Variants in RRP1 observed in about 807,000 individuals in gnomAD.
RRP1 encodes the protein ribosomal RNA processing 1.
RRP1 carries 37 observed loss-of-function variants against 54.6 expected under a neutral mutation model. The observed-to-expected ratio is 0.68, with a 90% confidence interval of 0.52 to 0.89. The LOEUF (loss-of-function observed/expected upper bound fraction) is 0.89, where lower values mean the gene tolerates loss of function less well. RRP1 is among the 40% of genes least tolerant of loss of function. The pLI is 0.00. For synonymous variants in RRP1, 262 were observed against 244.3 expected (o/e 1.07, Z -0.67); for missense variants, 639 against 612.5 (o/e 1.04, Z -0.46).
At chr21:43,795,779 T>G (rs1027708625) in intron 5 of RRP1, among the ~76,000 whole-genome samples, 2 of 152,206 alleles carry the variant, frequency 1.3e-5, no homozygotes, top group African/African-American at 2.4e-5. Flanking sequence ...CTCAAACTCT[T>G]GGGCTCAAAC....
At chr21:43,795,060 T>C in intron 4 of RRP1, 129 bp from the exon 5 acceptor site, 1 of 844,282 alleles carries the variant, frequency 1.2e-6, no homozygotes, top group Admixed American at 1.9e-5. Flanking sequence ...GGGCCGGCTG[T>C]GTGCTGGGGC....
rs1457313099 is a variant in RRP1, at chr21:43,804,983, A to G, written c.*1209A>G. 1 of 152,422 alleles carries G rather than the reference A, an allele frequency of 6.6e-6. No homozygotes were observed. Among genetic ancestry groups the G allele is most frequent in the African/African-American group, 2.4e-5 (1 of 41,444 alleles). 9.4% of individuals were successfully genotyped at this position (152,422 alleles called of 1,614,324 possible). On this transcript the variant is annotated 3_prime_UTR_variant, in exon 13 of 13. Transcript: ENST00000497547. This position sits in a 1 kb window ranked among gnomAD's most constrained non-coding sequence, Gnocchi z 4.3. ...AGGGTTCTTTCCCCAAAGGAACTTA[A>G]AAAGACAAGCGTGGCCAGGCACAGT...
chr21:43,793,434 G>T, intron 4 of RRP1, 30 bp downstream of exon 4: 1 of 1,596,270 alleles, frequency 6.3e-7, no homozygotes, highest in South Asian at 1.1e-5. Flanking sequence ...GCCGGCGGGC[G>T]GGGGCAGCGC....
rs754586364 is a variant in RRP1 at position 43,802,453 on chromosome 21, G to A, written c.1123+66G>A. 1.9e-5 allele frequency: 25 copies of A among 1,296,692 alleles called. No individual in the cohort carries two copies. The African/African-American group carries it at 2.9e-4, about 15-fold the overall frequency. 80.3% of individuals were successfully genotyped at this position (1,296,692 alleles called of 1,614,324 possible). A position where few individuals can be genotyped will look rare whatever the true frequency, so the allele number is the denominator to read the frequency against. On this transcript the variant is annotated intron_variant, in intron 12 of 12. Coordinates refer to ENST00000497547, the MANE Select transcript of RRP1 (RefSeq NM_003683.6). Reference sequence around the variant, plus strand: ...CACCTGCTTGCTTCTCCCCTGGATGGGGGTCACCTGCAGTGTCTCCCCCTG... The same window carrying A: ...CACCTGCTTGCTTCTCCCCTGGATGAGGGTCACCTGCAGTGTCTCCCCCTG...
At chr21:43,799,389 G>A (rs1370463286) in intron 8 of RRP1, among the ~76,000 whole-genome samples, 181 bp from the exon 9 acceptor site, 2 of 151,782 alleles carry the variant, frequency 1.3e-5, no homozygotes, top group Admixed American at 1.3e-4. Flanking sequence ...CTTGAGCTGT[G>A]GGCTTTCCCG....
rs758348627 is a variant in RRP1, at chr21:43,789,621, G to C, written c.-9G>C. On this transcript the variant is annotated 5_prime_UTR_variant, in exon 1 of 13. Coordinates refer to ENST00000497547, the MANE Select transcript of RRP1 (RefSeq NM_003683.6). ...GACTCCGGGACAGGGGGTCTCGGCC[G>C]TCGGCGTCATGGTTTCGCGCGTGCA... 1.3e-6 allele frequency: 2 copies of C among 1,586,568 alleles called. No homozygotes were observed. Among genetic ancestry groups the C allele is most frequent in the South Asian group, 2.3e-5 (2 of 87,564 alleles).
rs547625267 is a variant in RRP1 at position 43,798,516 on chromosome 21, C to T, written c.811+416C>T. On this transcript the variant is annotated intron_variant, in intron 8 of 12. Coordinates refer to ENST00000497547, the MANE Select transcript of RRP1 (RefSeq NM_003683.6). ...CTCCCCATAGCGTCACTCTGTGGCA[C>T]GGGATGTGAATCACTTGCTCCTCGT... 1.2e-4 allele frequency among the ~76,000 whole-genome samples: 18 copies of T among 152,274 alleles called. 1 individual carries two copies. The highest frequency in any genetic ancestry group is 3.8e-4 in the African/African-American group (16 of 41,564).
In RRP1 at chr21:43,798,014, A is replaced by T. The variant is rs750177255; in HGVS notation, c.725A>T (p.Glu242Val). Residue 242 changes from glutamate to valine, a missense_variant, in exon 8 of 13, where the codon GAG becomes GTG. Physicochemically the swap from Glu to Val is moderately radical, Grantham distance 121. Transcript: ENST00000497547. The part of the protein sequence containing the change: ...LLNELDTQDE[E>V]VASDSDESSE... ...AATGAACTGGACACACAGGATGAGGAGGTGGCGTCGGACAGTGATGAGTCC... is the reference window on the plus strand; with the variant it reads ...AATGAACTGGACACACAGGATGAGGTGGTGGCGTCGGACAGTGATGAGTCC... 7 of 1,614,032 alleles carry T rather than the reference A, an allele frequency of 4.3e-6. No individual in the cohort carries two copies. The Admixed American group carries it at 6.7e-5, about 15-fold the overall frequency.
chr21:43,792,792 C>G, intron 3 of RRP1, 63 bp downstream of exon 3: 2 of 1,539,126 alleles, frequency 1.3e-6, no homozygotes, highest in Middle Eastern at 1.7e-4. Context: ...GCATCAGAGC[C>G]ACCAGACCCA....
rs766636330 is a variant in RRP1 at position 43,799,620 on chromosome 21, G to A, written c.862G>A (p.Asp288Asn). 23 of 1,611,910 alleles carry A rather than the reference G, an allele frequency of 1.4e-5. No individual in the cohort carries two copies. The Admixed American group carries it at 3.0e-4, about 21-fold the overall frequency. Residue 288 changes from aspartate (D) to asparagine (N), a missense_variant, in exon 9 of 13, where the codon GAC (aspartate) becomes AAC (asparagine). Transcript: ENST00000497547. ...PEAGEEQAGD[D>N]RDSGGPVLQF... is the part of the protein sequence containing the mutation. ...GGCTGGTGAGGAGCAGGCAGGTGACGACAGGGACAGTGGCGGCCCCGTTCT... is the reference window on the plus strand; with the variant it reads ...GGCTGGTGAGGAGCAGGCAGGTGACAACAGGGACAGTGGCGGCCCCGTTCT...
intron 2 of RRP1, among the ~76,000 whole-genome samples, chr21:43,791,654 C>T (rs1464020396): frequency 1.3e-5 from 2 of 152,112 alleles, no homozygotes; most frequent in Non-Finnish European, 2.9e-5. Flanking sequence ...AGGTACCTGC[C>T]ACCATGCCTG....
chr21:43,790,843 T>C (rs1302767643), intron 1 of RRP1: 2 of 363,532 alleles, frequency 5.5e-6, no homozygotes, highest in East Asian at 1.5e-4. Flanking sequence ...GCCTCAGCAC[T>C]CAATTCCAAA....
At position 43,800,597 on chromosome 21, in the gene RRP1, C is replaced by T; in HGVS notation, c.972C>T (p.Leu324=). Residue 324 remains leucine, a synonymous_variant, in exon 10 of 13, where the codon CTC becomes CTT. Transcript: ENST00000497547. ...CCCCTTCTCAGAACAGAAAGCGTCT[C>T]TACAAAGTGATCCGGAAGTGAGTGT... ...QSTPSQNRKR[L]YKVIRKLQDL... The T allele has an allele frequency of 6.2e-7, 1 of 1,614,234 alleles. No homozygotes were observed. The highest frequency in any genetic ancestry group is 1.1e-5 in the South Asian group (1 of 91,084).
At position 43,797,472 on chromosome 21, in the gene RRP1, G is replaced by A; in HGVS notation, c.473G>A (p.Ser158Asn). 1 of 1,613,724 alleles carries A rather than the reference G, an allele frequency of 6.2e-7. No homozygotes were observed. Among genetic ancestry groups the A allele is most frequent in the Non-Finnish European group, 8.5e-7 (1 of 1,179,986 alleles). ...CTGATGACTGAGATCCTGCACCCCA[G>A]CAGCCAGGCCCCCAACGGTGTGAAG... ...ELLMTEILHP[S>N]SQAPNGVKSH... Residue 158 changes from serine (S) to asparagine (N), a missense_variant, in exon 6 of 13, where the codon AGC becomes AAC. Ser to Asn is a conservative substitution (Grantham distance 46). Coordinates refer to ENST00000497547, the MANE Select transcript of RRP1 (RefSeq NM_003683.6).
Position 43,795,185 on chromosome 21 carries a change from A to C in RRP1, c.361-4A>C. The C allele has an allele frequency of 3.7e-6, 6 of 1,613,992 alleles. No individual in the cohort carries two copies. The South Asian group carries it at 6.6e-5, about 18-fold the overall frequency. ...GCTAATGCCAACCTCCTTCTGTGTC[A>C]AAGCTCATGCGGATGGTCCTGAACG... On this transcript the variant is annotated splice_region_variant and splice_polypyrimidine_tract_variant and intron_variant, in intron 4 of 12. Coordinates refer to ENST00000497547, the MANE Select transcript of RRP1 (RefSeq NM_003683.6).
chr21:43,789,911 G>T (rs1014188833), intron 1 of RRP1, 149 bp downstream of exon 1: 93 of 985,276 alleles, frequency 9.4e-5, no homozygotes, highest in Non-Finnish European at 1.2e-4. Context: ...GCCTGTTCCC[G>T]CTGTTACCGG....
Position 43,804,058 on chromosome 21 carries a change from T to C in RRP1, c.*284T>C, listed in dbSNP as rs1377389329. ...CTGCAGCAGGACTGGCCGCCCCTGC[T>C]GTGGGGGGTTCAGAAAATAAAATGC... On this transcript the variant is annotated 3_prime_UTR_variant, in exon 13 of 13. Transcript: ENST00000497547. The surrounding 1 kb of genome is among the most constrained non-coding windows in gnomAD (Gnocchi z 4.3). 7.5e-6 allele frequency: 3 copies of C among 398,840 alleles called. No homozygotes were observed. The highest frequency in any genetic ancestry group is 1.3e-5 in the Non-Finnish European group (3 of 225,626). The allele number at this position is 398,840 out of a possible 1,614,324, so 24.7% of individuals were successfully genotyped here.
chr21:43,799,444 C>A, intron 8 of RRP1, 126 bp from the exon 9 acceptor site: 4 of 958,912 alleles, frequency 4.2e-6, no homozygotes, highest in East Asian at 5.2e-5. Context: ...GCTGTCCGTT[C>A]CCGGGTGTTT....
At position 43,804,303 on chromosome 21, in the gene RRP1, A is replaced by G. The variant is rs2838386; in HGVS notation, c.*529A>G. The G allele has an allele frequency of 0.58, 88,539 of 152,500 alleles. 27,963 individuals are homozygous for G. The highest frequency in any genetic ancestry group is 0.8 in the African/African-American group (33,408 of 41,528). 9.4% of individuals were successfully genotyped at this position (152,500 alleles called of 1,614,324 possible). The stretch of plus-strand genomic sequence containing the variant: ...TCAATCTGGGGTCTAGAGTTGTGCA[A>G]GGAATTCAGCTCCAGTAAGGCCTGG... On this transcript the variant is annotated 3_prime_UTR_variant, in exon 13 of 13. Transcript: ENST00000497547. The surrounding 1 kb of genome is among the most constrained non-coding windows in gnomAD (Gnocchi z 4.3).
Sources: allele counts gnomAD v4.1 joint callset (sites outside exome capture counted in the v4.1 genomes callset), GRCh38; gene constraint gnomAD v4.1.1; non-coding constraint Gnocchi (gnomAD v3.1); transcripts MANE v1.5; gene names NCBI Gene and HGNC (gene_info 2026-07-23, HGNC 2026-07-21).